MAPK4: variants seen among roughly 807,000 people sequenced by gnomAD.
The protein encoded by MAPK4 is mitogen-activated protein kinase 4, also known as Erk3-related.
A neutral mutation model predicts 47.7 loss-of-function variants in MAPK4; 22 were observed. The observed-to-expected ratio is 0.46, with a 90% CI of 0.33 to 0.66. The LOEUF (loss-of-function observed/expected upper bound fraction) is 0.66, where lower values mean the gene tolerates loss of function less well. Among genes scored for constraint, MAPK4 ranks in the 30% least tolerant of loss-of-function variants. The probability of loss-of-function intolerance (pLI) is 0.02; values close to 1 mark genes in which losing one functional copy is unlikely to be tolerated. For missense variants in MAPK4, 736 were observed against 831.7 expected (o/e 0.88, Z 1.42); for synonymous variants, 390 against 365.7 (o/e 1.07, Z -0.76).
intron 2 of MAPK4, among the ~76,000 whole-genome samples, chr18:50,665,999 G>T (rs2144262053): frequency 6.6e-6 from 1 of 152,272 alleles, no homozygotes; most frequent in South Asian, 2.1e-4. Flanking sequence ...ATCCAAATCT[G>T]TTCTTACTTG....
intron 2 of MAPK4, among the ~76,000 whole-genome samples, chr18:50,714,776 C>T (rs1598946504): frequency 6.6e-6 from 1 of 152,208 alleles, no homozygotes; most frequent in African/African-American, 2.4e-5. Flanking sequence ...GGCAGAGTTA[C>T]ATCAAGGTGG....
intron 1 of MAPK4, among the ~76,000 whole-genome samples, chr18:50,603,164 C>T (rs978615358): frequency 6.6e-6 from 1 of 152,088 alleles, no homozygotes; most frequent in Admixed American, 6.6e-5. Context: ...GGTCAGTCCC[C>T]CATGGGCCAT....
intron 1 of MAPK4, among the ~76,000 whole-genome samples, chr18:50,619,684 A>G (rs1169326180): frequency 1.3e-5 from 2 of 152,208 alleles, no homozygotes; most frequent in African/African-American, 4.8e-5. Flanking sequence ...GTCATTGATG[A>G]CTGCCTCTTT....
At chr18:50,661,638 G>A (rs1319646446) in intron 1 of MAPK4, among the ~76,000 whole-genome samples, 1 of 152,094 alleles carries the variant, frequency 6.6e-6, no homozygotes, top group Non-Finnish European at 1.5e-5. Context: ...GGGAATGCTC[G>A]GTAGAATGGT....
intron 1 of MAPK4, among the ~76,000 whole-genome samples, chr18:50,579,510 G>A (rs2042325265): frequency 6.6e-6 from 1 of 152,176 alleles, no homozygotes; most frequent in Non-Finnish European, 1.5e-5. Context: ...CACCTCCTTA[G>A]TCTAGATGAG....
chr18:50,632,143 C>T (rs758123957), intron 1 of MAPK4, among the ~76,000 whole-genome samples: 5 of 152,072 alleles, frequency 3.3e-5, no homozygotes, highest in Non-Finnish European at 7.4e-5. Flanking sequence ...TATTTCATGC[C>T]GTTGAGGGGA....
At chr18:50,575,769 A>G (rs2042289203) in intron 1 of MAPK4, among the ~76,000 whole-genome samples, 1 of 146,268 alleles carries the variant, frequency 6.8e-6, no homozygotes, top group Non-Finnish European at 1.5e-5. Flanking sequence ...AGAATCTATT[A>G]GGAACTTAAA....
intron 1 of MAPK4, among the ~76,000 whole-genome samples, chr18:50,661,934 T>C (rs1262482760): frequency 3.9e-5 from 6 of 152,224 alleles, no homozygotes; most frequent in Admixed American, 3.9e-4. Flanking sequence ...TGTTAAGCAA[T>C]TACTATGTTC....
At chr18:50,585,622 A>G (rs2042381681) in intron 1 of MAPK4, among the ~76,000 whole-genome samples, 3 of 152,210 alleles carry the variant, frequency 2.0e-5, no homozygotes, top group Non-Finnish European at 4.4e-5. Flanking sequence ...TCTAGCATCA[A>G]TGTCTACTTA....
At chr18:50,655,833 G>C (rs2043104195) in intron 1 of MAPK4, among the ~76,000 whole-genome samples, 2 of 152,186 alleles carry the variant, frequency 1.3e-5, no homozygotes, top group Non-Finnish European at 2.9e-5. Context: ...CTGGGCCTCA[G>C]GGATGCTTTT....
At chr18:50,648,312 A>T (rs1366647282) in intron 1 of MAPK4, among the ~76,000 whole-genome samples, 1 of 152,064 alleles carries the variant, frequency 6.6e-6, no homozygotes, top group Non-Finnish European at 1.5e-5. Context: ...ATCAGGGAAG[A>T]TCACCCCATT....
intron 1 of MAPK4, among the ~76,000 whole-genome samples, chr18:50,638,511 G>A (rs768097220): frequency 4.6e-5 from 7 of 152,184 alleles, no homozygotes; most frequent in African/African-American, 1.2e-4. Context: ...GAAGGTTTCC[G>A]TATTTACTGC....
intron 1 of MAPK4, among the ~76,000 whole-genome samples, chr18:50,570,231 A>G (rs2042237799): frequency 6.6e-6 from 1 of 152,240 alleles, no homozygotes; most frequent in African/African-American, 2.4e-5. Context: ...GGAAAGCAGA[A>G]GTTGGGATGG....
At chr18:50,564,522 T>G (rs2149355267) in intron 1 of MAPK4, among the ~76,000 whole-genome samples, 1 of 152,338 alleles carries the variant, frequency 6.6e-6, no homozygotes, top group African/African-American at 2.4e-5. Flanking sequence ...TTGGTTATTA[T>G]GTATCATGCC....
chr18:50,683,453 G>T (rs868005897), intron 2 of MAPK4, among the ~76,000 whole-genome samples: 83 of 142,260 alleles, frequency 5.8e-4, no homozygotes, highest in Admixed American at 7.0e-4. Flanking sequence ...TTGGTGATGG[G>T]GTGTGTGTGT....
intron 1 of MAPK4, among the ~76,000 whole-genome samples, chr18:50,648,248 CAGAG>C (rs2043010107): frequency 6.6e-6 from 1 of 152,106 alleles, no homozygotes; most frequent in South Asian, 2.1e-4. Context: ...TCCAGGCAAA[CAGAG>C]AGGACAGTGT....
intron 1 of MAPK4, among the ~76,000 whole-genome samples, chr18:50,575,792 C>CAAAAAAAAAAAAAAAAAAA (rs540138636): frequency 2.9e-5 from 2 of 70,128 alleles, no homozygotes; most frequent in Non-Finnish European, 5.4e-5. Context: ...AATCAACAAG[C>CAAAAAAAAAAAAAAAAAAA]AAAAAAAAAA....
At chr18:50,644,001 C>G (rs1431861907) in intron 1 of MAPK4, among the ~76,000 whole-genome samples, 1 of 152,002 alleles carries the variant, frequency 6.6e-6, no homozygotes, top group African/African-American at 2.4e-5. Context: ...AACTTTAATG[C>G]CCTCTCGGTG....
At chr18:50,677,450 T>C (rs1438400144) in intron 2 of MAPK4, among the ~76,000 whole-genome samples, 1 of 152,136 alleles carries the variant, frequency 6.6e-6, no homozygotes, top group Non-Finnish European at 1.5e-5. Context: ...ATTCGGTTAC[T>C]GAAAGAAAAG....
Sources: allele counts gnomAD v4.1 joint callset (sites outside exome capture counted in the v4.1 genomes callset), GRCh38; gene constraint gnomAD v4.1.1; transcripts MANE v1.5; gene names NCBI Gene and HGNC (gene_info 2026-07-23, HGNC 2026-07-21).